The following GPM6B variants were observed in gnomAD, a reference collection of about 807,000 sequenced individuals.
The protein encoded by GPM6B is neuronal membrane glycoprotein M6-b.
A neutral mutation model predicts 27.2 loss-of-function variants in GPM6B; 4 were observed. That is an observed-to-expected ratio of 0.15 (90% CI 0.07 to 0.34). The LOEUF (loss-of-function observed/expected upper bound fraction) is 0.34, where lower values mean the gene tolerates loss of function less well. Among genes scored for constraint, GPM6B ranks in the 10% least tolerant of loss-of-function variants. The pLI is 1.00. For missense variants in GPM6B, 183 were observed against 261.9 expected, an observed-to-expected ratio of 0.70 and a Z score of 2.08; for synonymous variants, 124 against 103.1, an observed-to-expected ratio of 1.20 and a Z score of -1.23.
chrX:13,818,814 T>C (rs181223795), upstream of GPM6B, among the ~76,000 whole-genome samples: 14 of 112,644 alleles, frequency 1.2e-4, no homozygotes, highest in African/African-American at 4.5e-4. Flanking sequence ...CATTCAAATA[T>C]AGAAAGGTGG....
chrX:13,823,520 GTTT>G (rs201574507), intron 1 of GPM6B, among the ~76,000 whole-genome samples: 1,420 of 95,907 alleles, frequency 0.015, 9 homozygotes, highest in East Asian at 0.029. Context: ...ACTGAACCTG[GTTT>G]TTTTTTTTTT....
At chrX:13,776,616 AC>A (rs1313277061) in intron 6 of GPM6B, among the ~76,000 whole-genome samples, 1 of 112,377 alleles carries the variant, frequency 8.9e-6, no homozygotes, top group East Asian at 2.8e-4. Flanking sequence ...GCTTCAAGCC[AC>A]TGCATATTAT....
chrX:13,890,917 C>T (rs1177631727), intron 1 of GPM6B, among the ~76,000 whole-genome samples: 1 of 111,051 alleles, frequency 9.0e-6, no homozygotes, highest in Non-Finnish European at 1.9e-5. Context: ...AATATAACCA[C>T]AATGGTGCAT....
chrX:13,881,429 T>C (rs1006928505), intron 1 of GPM6B, among the ~76,000 whole-genome samples: 3 of 110,439 alleles, frequency 2.7e-5, no homozygotes, highest in Non-Finnish European at 5.7e-5. Flanking sequence ...GGAGAATCGC[T>C]TGGGCCCAGG....
chrX:13,908,232 T>A (rs1434474564), intron 1 of GPM6B, among the ~76,000 whole-genome samples: 1 of 111,160 alleles, frequency 9.0e-6, no homozygotes, highest in Non-Finnish European at 1.9e-5. Context: ...AAAAAATTGA[T>A]CAAAACCTGC....
chrX:13,800,234 C>T (rs1049320722), intron 2 of GPM6B, among the ~76,000 whole-genome samples: 2 of 111,666 alleles, frequency 1.8e-5, no homozygotes, highest in Non-Finnish European at 3.8e-5. Flanking sequence ...AACTGAGGCC[C>T]TCAGTCCCAA....
At chrX:13,791,132 C>T (rs866656409) in intron 2 of GPM6B, among the ~76,000 whole-genome samples, 1 of 110,879 alleles carries the variant, frequency 9.0e-6, no homozygotes, top group Non-Finnish European at 1.9e-5. Context: ...GTAACGTGAA[C>T]GAGAAAAAAT....
At chrX:13,830,692 T>C (rs1402506218) in intron 1 of GPM6B, among the ~76,000 whole-genome samples, 3 of 112,547 alleles carry the variant, frequency 2.7e-5, no homozygotes, top group East Asian at 2.8e-4. Flanking sequence ...CACTGTACAA[T>C]TGAAGGATGG....
At chrX:13,931,324 T>C (rs1206293115) in intron 1 of GPM6B, among the ~76,000 whole-genome samples, 1 of 109,917 alleles carries the variant, frequency 9.1e-6, no homozygotes, top group Non-Finnish European at 1.9e-5. Context: ...CCATCTCTAC[T>C]AAAAATACAA....
At chrX:13,863,379 C>G (rs1182673627) in intron 1 of GPM6B, among the ~76,000 whole-genome samples, 1 of 111,546 alleles carries the variant, frequency 9.0e-6, no homozygotes, top group Non-Finnish European at 1.9e-5. Flanking sequence ...CTGTTTCTGT[C>G]TCCTATAAAA....
Position 13,776,262 on chromosome X carries a change from T to A in GPM6B, c.813A>T (p.Gly271=), listed in dbSNP as rs1255797424. The A allele has an allele frequency of 1.7e-6, 2 of 1,209,699 alleles. No individual in the cohort carries two copies. Among genetic ancestry groups the A allele is most frequent in the Non-Finnish European group, 2.2e-6 (2 of 893,843 alleles). ...CCAGGGCAATGACGGTGGCACCAGC[T>A]CCTGCACAGGCCACAATGAACAGGT... The part of the protein sequence containing the change: ...SYHLFIVACA[G]AGATVIALIH... Residue 271 remains glycine, a synonymous_variant, in exon 7 of 8, where the codon GGA becomes GGT. Transcript: ENST00000316715.
At position 13,852,930 on chromosome X, in the gene GPM6B, G is replaced by A. The variant is rs374741126; in HGVS notation, c.-197-67122C>T. On this transcript the variant is annotated intron_variant, in intron 1 of 6. Coordinates refer to the GPM6B transcript ENST00000398361. ...CAAGTAGCTAAGACTACAGGTGCAC[G>A]CCACCATGCCCAGCCAAAAACCTTT... 1.2e-4 allele frequency among the ~76,000 whole-genome samples: 13 copies of A among 110,110 alleles called. No individual in the cohort carries two copies. The East Asian group carries it at 2.8e-3, about 24-fold the overall frequency.
chrX:13,838,133 G>GA (rs59126207), intron 1 of GPM6B, among the ~76,000 whole-genome samples: 1,965 of 89,291 alleles, frequency 0.022, 45 homozygotes, highest in African/African-American at 0.069. Context: ...GGAAAAAAAA[G>GA]AAAAAAAAAA....
At chrX:13,912,262 G>A (rs1346484376) in intron 1 of GPM6B, among the ~76,000 whole-genome samples, 1 of 112,190 alleles carries the variant, frequency 8.9e-6, no homozygotes. Context: ...TACAATTTTT[G>A]TGTAGTTTCT....
chrX:13,831,627 A>C (rs1569243327), intron 1 of GPM6B, among the ~76,000 whole-genome samples: 1 of 111,039 alleles, frequency 9.0e-6, no homozygotes, highest in African/African-American at 3.3e-5. Flanking sequence ...ACATCATCCA[A>C]CCCTGGGATG....
chrX:13,776,098 T>A (rs944945757), intron 7 of GPM6B, 140 bp downstream of exon 7: 5 of 516,148 alleles, frequency 9.7e-6, no homozygotes, highest in Middle Eastern at 7.9e-4. Context: ...ATGTGGTAAG[T>A]TAACACAGGC....
intron 1 of GPM6B, among the ~76,000 whole-genome samples, chrX:13,924,825 A>G (rs1167950309): frequency 1.8e-5 from 2 of 111,611 alleles, no homozygotes; most frequent in Non-Finnish European, 3.8e-5. Context: ...CTTGGAGAAA[A>G]TATCAGGCAA....
At chrX:13,834,018 G>A (rs1002455189) in intron 1 of GPM6B, among the ~76,000 whole-genome samples, 1 of 112,503 alleles carries the variant, frequency 8.9e-6, no homozygotes, top group African/African-American at 3.2e-5. Context: ...AACAACCTAG[G>A]ATTTCTTCCC....
rs757310671 is a variant in GPM6B, at chrX:13,910,881, G to C, written c.-198+27446C>G. Among the ~76,000 whole-genome samples, 5 of 112,541 alleles carry C rather than the reference G, an allele frequency of 4.4e-5. No homozygotes were observed. The East Asian group carries it at 1.4e-3, about 31-fold the overall frequency. ...TGTTACAAGGAGGTTCAAAGACCCA[G>C]AAAGTAACGGCAAACTGAAAACAGC... On this transcript the variant is annotated intron_variant, in intron 1 of 6. Transcript: ENST00000398361.
Sources: gnomAD v4.1 joint callset for allele counts (sites outside exome capture counted in the v4.1 genomes callset) on GRCh38, gnomAD v4.1.1 for gene constraint, MANE v1.5 for transcripts, NCBI Gene and HGNC (gene_info 2026-07-23, HGNC 2026-07-21) for gene names.